Variants in CDHR1 observed in about 807,000 individuals in gnomAD.
CDHR1 encodes cadherin-related family member 1.
Under a neutral mutation model 72.1 loss-of-function variants are expected in CDHR1, and 61 were observed. The ratio of observed to expected loss-of-function variants is 0.85; its 90% confidence interval spans 0.69 to 1.05. The LOEUF (loss-of-function observed/expected upper bound fraction) is 1.05. Among genes scored for constraint, CDHR1 ranks in the 50% least tolerant of loss-of-function variants. The pLI, the probability that CDHR1 is intolerant of heterozygous loss-of-function variation, is 0.00. For missense variants in CDHR1, 1,186 were observed against 1,115.7 expected, an observed-to-expected ratio of 1.06 and a Z score of -0.90; for synonymous variants, 470 against 448.1, an observed-to-expected ratio of 1.05 and a Z score of -0.62.
At chr10:84,206,365 T>C (rs1180758397) in intron 10 of CDHR1, among the ~76,000 whole-genome samples, 1 of 152,070 alleles carries the variant, frequency 6.6e-6, no homozygotes, top group East Asian at 1.9e-4. Context: ...GGAGCAAAGG[T>C]CCTGAATGGG....
rs111845243 is a variant in CDHR1, at chr10:84,210,940, G to C, written c.1321-61G>C. On this transcript the variant is annotated intron_variant, in intron 12 of 16. Transcript: ENST00000623527. ...ACATCAGTCCTGGGGAGATGAGGTG[G>C]GAAGGCTCTCTGCAGCATGAGTGCC... is the stretch of plus-strand genomic sequence containing the variant. 1.2e-5 allele frequency: 19 copies of C among 1,570,400 alleles called. 2 individuals carry two copies. In the South Asian group the frequency reaches 2.1e-4, roughly 17 times the overall value.
At chr10:84,213,460 A>C in intron 16 of CDHR1, 112 bp downstream of exon 16, 10 of 1,420,104 alleles carry the variant, frequency 7.0e-6, no homozygotes, top group Non-Finnish European at 9.9e-6. Flanking sequence ...AAAGACACTC[A>C]ACGTTATCAA....
rs1033262724 is a variant in CDHR1, at chr10:84,215,265, C to T, written c.*644C>T. 3.0e-6 allele frequency: 3 copies of T among 989,694 alleles called. No homozygotes were observed. Among genetic ancestry groups the T allele is most frequent in the African/African-American group, 1.7e-5 (1 of 57,232 alleles). 61.3% of individuals were successfully genotyped at this position (989,694 alleles called of 1,614,324 possible). ...GAGACTGTGGACCCTGGTATGCCCA[C>T]GTGGGACAGAGGACACAGAGGTGGA... On this transcript the variant is annotated 3_prime_UTR_variant, in exon 17 of 17. Transcript: ENST00000623527.
rs780543770 is a variant in CDHR1 at position 84,214,160 on chromosome 10, G to A, written c.2119G>A (p.Gly707Ser). The change falls in exon 17 of 17, where the codon GGC becomes AGC. Residue 707 changes from glycine to serine, a missense_variant. Coordinates refer to ENST00000623527, the MANE Select transcript of CDHR1 (RefSeq NM_033100.4). The part of the protein sequence containing the change: ...NPMKAVGVLA[G>S]TMATVVAITV... ...CATGAAGGCCGTGGGTGTGCTGGCC[G>A]GCACCATGGCCACCGTCGTGGCCAT... 24 of 1,614,004 alleles carry A rather than the reference G, an allele frequency of 1.5e-5. No individual in the cohort carries two copies. The highest frequency in any genetic ancestry group is 4.4e-5 in the South Asian group (4 of 91,078).
chr10:84,203,167 C>T (rs1189950601), intron 8 of CDHR1, 44 bp downstream of exon 8: 2 of 1,612,774 alleles, frequency 1.2e-6, no homozygotes, highest in African/African-American at 1.3e-5. Flanking sequence ...CCAAATGCCT[C>T]CTGCCCTGAC....
intron 12 of CDHR1, 134 bp from the exon 13 acceptor site, chr10:84,210,866 GC>G: frequency 1.1e-6 from 1 of 946,878 alleles, no homozygotes; most frequent in East Asian, 2.4e-5. Context: ...TACAGGAATA[GC>G]TGGTTGGCAG....
chr10:84,214,513 AC>A lies in CDHR1; in HGVS notation c.2477del (p.Pro826ArgfsTer15). The part of the protein sequence containing the change: ...SGSLTPQPTQ[P>X]PPKPKTMGSP... Reference sequence around the variant, plus strand: ...GCTCTCTCACTCCGCAGCCGACCCAACCCCCGCCAAAACCCAAAACTATGGG... The same window carrying A: ...GCTCTCTCACTCCGCAGCCGACCCAACCCCGCCAAAACCCAAAACTATGGG... On this transcript the variant is annotated frameshift_variant, in exon 17 of 17. Transcript: ENST00000623527. LOFTEE classifies it low-confidence loss of function (END_TRUNC). 1.2e-6 allele frequency: 2 copies of A among 1,604,100 alleles called. No homozygotes were observed. Among genetic ancestry groups the A allele is most frequent in the Non-Finnish European group, 1.7e-6 (2 of 1,179,542 alleles).
intron 13 of CDHR1, among the ~76,000 whole-genome samples, 177 bp downstream of exon 13, chr10:84,211,342 C>T (rs1842327445): frequency 6.6e-6 from 1 of 152,230 alleles, no homozygotes; most frequent in Non-Finnish European, 1.5e-5. Flanking sequence ...TATTACAACA[C>T]CTCACAGGAC....
At chr10:84,209,637 G>GAAAAAAAAAAAAAAA (rs1842292643) in intron 12 of CDHR1, among the ~76,000 whole-genome samples, 1 of 55,872 alleles carries the variant, frequency 1.8e-5, no homozygotes, top group African/African-American at 1.1e-4. Flanking sequence ...TGAGAGAAAA[G>GAAAAAAAAAAAAAAA]ACAAAAAAAA....
chr10:84,210,116 A>G (rs1000249251), intron 12 of CDHR1, among the ~76,000 whole-genome samples: 1 of 152,198 alleles, frequency 6.6e-6, no homozygotes, highest in African/African-American at 2.4e-5. Flanking sequence ...GCTACTTGGA[A>G]GGCTGAGATG....
chr10:84,217,395 G>C lies in CDHR1; in HGVS notation c.*2774G>C. ...TCTGCAGAGTCATTTTCCTCCTGCG[G>C]CTGAGCTCAGATCTTCCAATCACGT... On this transcript the variant is annotated 3_prime_UTR_variant, in exon 17 of 17. Coordinates refer to ENST00000623527, the MANE Select transcript of CDHR1 (RefSeq NM_033100.4). 1.0e-6 allele frequency: 1 copy of C among 985,426 alleles called. No homozygotes were observed. Among genetic ancestry groups the C allele is most frequent in the Non-Finnish European group, 1.2e-6 (1 of 829,926 alleles). 61.0% of individuals were successfully genotyped at this position (985,426 alleles called of 1,614,324 possible). A position where few individuals can be genotyped will look rare whatever the true frequency, so the allele number is the denominator to read the frequency against.
rs1447313624 is a variant in CDHR1 at position 84,214,722 on chromosome 10, CCT to C, written c.*102_*103del. The C allele has an allele frequency of 3.8e-6, 6 of 1,582,848 alleles. No homozygotes were observed. The highest frequency in any genetic ancestry group is 1.1e-5 in the South Asian group (1 of 88,650). On this transcript the variant is annotated 3_prime_UTR_variant, in exon 17 of 17. Transcript: ENST00000623527. ...CCTCTGCTCCTTAAGGTCACTGACC[CCT>C]GTTTTGCACAATGGTATAATCCCCA...
chr10:84,202,190 A>G (rs74145722), intron 7 of CDHR1, among the ~76,000 whole-genome samples: 3,932 of 152,120 alleles, frequency 0.026, 158 homozygotes, highest in African/African-American at 0.088. Context: ...AGAGAATGGC[A>G]TCCCCCTCAG....
At chr10:84,197,158 A>G (rs996005507) in intron 3 of CDHR1, among the ~76,000 whole-genome samples, 1 of 152,138 alleles carries the variant, frequency 6.6e-6, no homozygotes, top group East Asian at 1.9e-4. Context: ...ACTGGACCTC[A>G]GCTGTGGGGA....
At position 84,215,307 on chromosome 10, in the gene CDHR1, G is replaced by A; in HGVS notation, c.*686G>A. ...AGAGGTGGAAGATTGATCTTGCCAA[G>A]AGTGAGGGCAGATGTCTCCAGCCAG... On this transcript the variant is annotated 3_prime_UTR_variant, in exon 17 of 17. Transcript: ENST00000623527. 5 of 987,384 alleles carry A rather than the reference G, an allele frequency of 5.1e-6. No individual in the cohort carries two copies. Among genetic ancestry groups the A allele is most frequent in the Non-Finnish European group, 6.0e-6 (5 of 831,264 alleles). 61.2% of individuals were successfully genotyped at this position (987,384 alleles called of 1,614,324 possible).
In CDHR1 at chr10:84,214,439, G is replaced by A. The variant is rs1379693600; in HGVS notation, c.2398G>A (p.Val800Met). The change falls in exon 17 of 17, where the codon GTG (valine) becomes ATG (methionine). Residue 800 changes from valine to methionine, a missense_variant. Physicochemically the swap from Val to Met is conservative, Grantham distance 21 (BLOSUM62 1). Transcript: ENST00000623527. The part of the protein sequence containing the change: ...RAPALPPPPS[V>M]APSTGAAQWT... ...TCCGGCTCTCCCTCCACCACCCAGC[G>A]TGGCGCCCAGCACTGGCGCAGCCCA... 4 of 1,612,822 alleles carry A rather than the reference G, an allele frequency of 2.5e-6. No individual in the cohort carries two copies. Among genetic ancestry groups the A allele is most frequent in the Admixed American group, 1.7e-5 (1 of 60,018 alleles).
intron 4 of CDHR1, among the ~76,000 whole-genome samples, chr10:84,198,202 G>A (rs1328634850): frequency 6.6e-6 from 1 of 152,104 alleles, no homozygotes; most frequent in African/African-American, 2.4e-5. Flanking sequence ...GATCATCAGT[G>A]CTCACTGGAT....
In CDHR1 at chr10:84,213,252, G is replaced by A. The variant is rs370520672; in HGVS notation, c.1944G>A (p.Arg648=). ...LDALHNITPG[R]DCLWSLEVQA... ...CCCTGCACAACATCACACCTGGAAGGGACTGCCTATGGTCCCTAGAGGTGC... is the reference window on the plus strand; with the variant it reads ...CCCTGCACAACATCACACCTGGAAGAGACTGCCTATGGTCCCTAGAGGTGC... The change falls in exon 16 of 17, where the codon AGG becomes AGA. Residue 648 remains arginine, a synonymous_variant. Transcript: ENST00000623527. 1 of 1,614,082 alleles carries A rather than the reference G, an allele frequency of 6.2e-7. No individual in the cohort carries two copies. Among genetic ancestry groups the A allele is most frequent in the African/African-American group, 1.3e-5 (1 of 74,922 alleles).
At chr10:84,197,636 TG>T in intron 3 of CDHR1, 149 bp from the exon 4 acceptor site, 1 of 754,906 alleles carries the variant, frequency 1.3e-6, no homozygotes, top group Non-Finnish European at 2.4e-6. Flanking sequence ...CCAGGCATGC[TG>T]TCACCACCAC....
Sources: allele counts gnomAD v4.1 joint callset (sites outside exome capture counted in the v4.1 genomes callset), GRCh38; gene constraint gnomAD v4.1.1; transcripts MANE v1.5; gene names NCBI Gene and HGNC (gene_info 2026-07-23, HGNC 2026-07-21).